Variants in CTNNA3 observed in about 807,000 individuals in gnomAD.
CTNNA3 encodes the protein catenin alpha 3, also known as catenin alpha-3.
CTNNA3 carries 76 observed loss-of-function variants against 95.7 expected under a neutral mutation model. That is an observed-to-expected ratio of 0.79 (90% CI 0.66 to 0.96). The LOEUF is 0.96. Ranked by LOEUF, CTNNA3 falls within the 40% of genes least tolerant of loss-of-function variation. CTNNA3 has a pLI of 0.00. For synonymous variants in CTNNA3, 431 were observed against 374.4 expected, an observed-to-expected ratio of 1.15 and a Z score of -1.74; for missense variants, 1,191 against 1,089.8, an observed-to-expected ratio of 1.09 and a Z score of -1.31.
rs1941986 is a variant in CTNNA3 at position 65,938,919 on chromosome 10, T to G, written c.2401-18302A>C. ...TTTTTTTTCTCTTTTTTCTTTTCTTTTTAGACGGAGTCTCGCTCTGTCGCC... is the reference window on the plus strand; with the variant it reads ...TTTTTTTTCTCTTTTTTCTTTTCTTGTTAGACGGAGTCTCGCTCTGTCGCC... On this transcript the variant is annotated intron_variant, in intron 17 of 17. Transcript: ENST00000433211. Among the ~76,000 whole-genome samples, 625 of 152,192 alleles carry G rather than the reference T, an allele frequency of 4.1e-3. 5 individuals are homozygous for G. The highest frequency in any genetic ancestry group is 0.014 in the African/African-American group (599 of 41,520).
intron 11 of CTNNA3, among the ~76,000 whole-genome samples, chr10:66,478,121 C>A (rs2441732): frequency 0.068 from 10,272 of 152,164 alleles, 978 homozygotes; most frequent in East Asian, 0.45. Flanking sequence ...AATGCTCCAG[C>A]ATGCACTTTT....
chr10:66,300,698 A>T (rs1039143310), intron 12 of CTNNA3, among the ~76,000 whole-genome samples: 10 of 152,022 alleles, frequency 6.6e-5, no homozygotes, highest in Non-Finnish European at 1.5e-5. Context: ...AGTGCTCTTT[A>T]AAAGTATCAA....
At chr10:67,673,790 TAATA>T (rs1840485723) in intron 1 of CTNNA3, among the ~76,000 whole-genome samples, 1 of 135,586 alleles carries the variant, frequency 7.4e-6, no homozygotes, top group South Asian at 2.6e-4. Flanking sequence ...GGTAAGAAGT[TAATA>T]ACGGACGTCC....
chr10:65,920,260 T>C lies in CTNNA3; in HGVS notation c.*70A>G. The C allele has an allele frequency of 1.5e-6, 2 of 1,316,444 alleles. No individual in the cohort carries two copies. The highest frequency in any genetic ancestry group is 2.1e-5 in the Admixed American group (1 of 46,930). 81.5% of individuals were successfully genotyped at this position (1,316,444 alleles called of 1,614,324 possible). ...AACTTAGTGAAATTACAGAACTTCT[T>C]AAGTGTAAAATAAAGCAGTGTGGTT... On this transcript the variant is annotated 3_prime_UTR_variant, in exon 18 of 18. Coordinates refer to ENST00000433211, the MANE Select transcript of CTNNA3 (RefSeq NM_013266.4).
chr10:66,105,099 T>C (rs10822718), intron 13 of CTNNA3, among the ~76,000 whole-genome samples: 27,704 of 152,138 alleles, frequency 0.18, 2,750 homozygotes, highest in South Asian at 0.36. Flanking sequence ...TATCAGATAT[T>C]AACATCCCCC....
chr10:66,239,217 A>G (rs2089996446), intron 13 of CTNNA3, among the ~76,000 whole-genome samples: 1 of 151,482 alleles, frequency 6.6e-6, no homozygotes, highest in Non-Finnish European at 1.5e-5. Context: ...TAGTCAATTG[A>G]TTTTACAAAT....
chr10:66,492,576 A>G (rs1380744022), intron 11 of CTNNA3, among the ~76,000 whole-genome samples: 2 of 152,092 alleles, frequency 1.3e-5, no homozygotes, highest in East Asian at 1.9e-4. Flanking sequence ...TTCAACAATG[A>G]TAGCAATCAC....
intron 7 of CTNNA3, among the ~76,000 whole-genome samples, chr10:67,043,869 A>G (rs1215247550): frequency 3.3e-5 from 5 of 151,432 alleles, no homozygotes; most frequent in African/African-American, 1.2e-4. Context: ...TATGCCCAAC[A>G]TTCTGTTCTG....
chr10:66,394,462 A>G (rs549481827), intron 11 of CTNNA3, among the ~76,000 whole-genome samples: 60 of 150,968 alleles, frequency 4.0e-4, no homozygotes, highest in Admixed American at 1.1e-3. Context: ...CAACTCCTCT[A>G]CTACTGAGCT....
intron 7 of CTNNA3, among the ~76,000 whole-genome samples, chr10:66,776,075 C>G (rs1840284467): frequency 6.6e-6 from 1 of 152,150 alleles, no homozygotes; most frequent in Non-Finnish European, 1.5e-5. Flanking sequence ...CTGTTTTTGG[C>G]TCTTTAAGAT....
chr10:67,450,972 A>C (rs1260681213), intron 5 of CTNNA3, among the ~76,000 whole-genome samples: 2 of 152,090 alleles, frequency 1.3e-5, no homozygotes, highest in Non-Finnish European at 2.9e-5. Context: ...CCCAAAGTTC[A>C]TGTGTTAGAA....
intron 5 of CTNNA3, among the ~76,000 whole-genome samples, chr10:67,448,699 T>C (rs2132953964): frequency 6.6e-6 from 1 of 151,454 alleles, no homozygotes; most frequent in Middle Eastern, 3.4e-3. Flanking sequence ...AGATGGAATC[T>C]TAAAGATTCT....
intron 1 of CTNNA3, chr10:67,751,300 A>C (rs912381074): frequency 1.1e-6 from 1 of 934,696 alleles, no homozygotes; most frequent in African/African-American, 1.6e-5. Flanking sequence ...ATCTCCACTC[A>C]AGTCCTATTT....
intron 16 of CTNNA3, among the ~76,000 whole-genome samples, chr10:65,977,439 C>T (rs1463816882): frequency 2.0e-5 from 3 of 152,134 alleles, no homozygotes. Context: ...ATTCCATAAT[C>T]TTAGTATTTT....
At chr10:67,393,448 A>G (rs1844590844) in intron 5 of CTNNA3, among the ~76,000 whole-genome samples, 1 of 152,164 alleles carries the variant, frequency 6.6e-6, no homozygotes, top group Admixed American at 6.6e-5. Flanking sequence ...TAATATCCCC[A>G]GTATATTCTG....
At chr10:67,148,348 C>T (rs890337651) in intron 7 of CTNNA3, among the ~76,000 whole-genome samples, 1 of 152,186 alleles carries the variant, frequency 6.6e-6, no homozygotes, top group East Asian at 1.9e-4. Flanking sequence ...TAATATACTT[C>T]TCCATGTGTG....
At chr10:67,134,895 G>A (rs1860218654) in intron 7 of CTNNA3, among the ~76,000 whole-genome samples, 2 of 152,104 alleles carry the variant, frequency 1.3e-5, no homozygotes, top group African/African-American at 4.8e-5. Context: ...AGACACAGAA[G>A]TAAAAGGCAA....
intron 10 of CTNNA3, among the ~76,000 whole-genome samples, chr10:66,549,174 TTAG>T (rs1366098681): frequency 6.6e-6 from 1 of 151,768 alleles, no homozygotes; most frequent in Admixed American, 6.6e-5. Context: ...TTTGTATTTT[TTAG>T]TAGAGATAGG....
intron 11 of CTNNA3, among the ~76,000 whole-genome samples, chr10:66,388,397 A>G (rs761129891): frequency 4.6e-5 from 7 of 152,172 alleles, no homozygotes; most frequent in Non-Finnish European, 1.0e-4. Flanking sequence ...AGGAGAAAAT[A>G]TACAAAGAAT....
Sources: allele counts gnomAD v4.1 joint callset (sites outside exome capture counted in the v4.1 genomes callset), GRCh38; gene constraint gnomAD v4.1.1; transcripts MANE v1.5; gene names NCBI Gene and HGNC (gene_info 2026-07-23, HGNC 2026-07-21).